The following SORCS2 variants were observed in gnomAD, a reference collection of about 807,000 sequenced individuals.
The protein encoded by SORCS2 is sortilin related VPS10 domain containing receptor 2, also known as VPS10 domain-containing receptor SorCS2.
In SORCS2, 100 loss-of-function variants were observed where a neutral mutation model predicts 141.6. The ratio of observed to expected loss-of-function variants is 0.71; its 90% CI spans 0.60 to 0.83. The LOEUF (loss-of-function observed/expected upper bound fraction) is 0.83. Among genes scored for constraint, SORCS2 ranks in the 40% least tolerant of loss-of-function variants. The pLI is 0.00. For synonymous variants in SORCS2, 789 were observed against 676.9 expected (o/e 1.17, Z -2.57); for missense variants, 1,646 against 1,560.2 (o/e 1.05, Z -0.93).
At chr4:7,481,879 T>A (rs1730656158) in intron 2 of SORCS2, among the ~76,000 whole-genome samples, 1 of 152,074 alleles carries the variant, frequency 6.6e-6, no homozygotes, top group Non-Finnish European at 1.5e-5. Flanking sequence ...TCCCCGCTCA[T>A]CCACCTGACG....
intron 1 of SORCS2, among the ~76,000 whole-genome samples, chr4:7,280,117 G>A (rs554822305): frequency 6.6e-6 from 1 of 152,102 alleles, no homozygotes; most frequent in Non-Finnish European, 1.5e-5. Context: ...TTTTTGGGTG[G>A]CATGACTCAT....
chr4:7,312,141 C>T (rs1415863644), intron 1 of SORCS2, among the ~76,000 whole-genome samples: 1 of 152,210 alleles, frequency 6.6e-6, no homozygotes, highest in Non-Finnish European at 1.5e-5. Flanking sequence ...TCCCAAAGTG[C>T]TGGGATTATA....
intron 2 of SORCS2, among the ~76,000 whole-genome samples, chr4:7,512,256 G>A (rs13128906): frequency 0.33 from 50,547 of 151,502 alleles, 9,115 homozygotes; most frequent in East Asian, 0.78. Flanking sequence ...GCCGCATCTC[G>A]AAGTCCAGCC....
At position 7,352,166 on chromosome 4, in the gene SORCS2, C is replaced by T. The variant is rs572040966; in HGVS notation, c.481-44122C>T. On this transcript the variant is annotated intron_variant, in intron 1 of 26. Transcript: ENST00000507866. ...TATCCATCTTTCAGAATTTTCATCC[C>T]TCTAAATTGTGAAGTGTTCTCTGCA... Among the ~76,000 whole-genome samples the T allele has an allele frequency of 5.3e-5, 8 of 152,332 alleles. No individual in the cohort carries two copies. The South Asian group carries it at 1.7e-3, about 32-fold the overall frequency.
chr4:7,330,462 C>A (rs185991705), intron 1 of SORCS2, among the ~76,000 whole-genome samples: 1 of 151,908 alleles, frequency 6.6e-6, no homozygotes, highest in Middle Eastern at 3.4e-3. Context: ...TCCACCCCCA[C>A]GCACACCCCT....
chr4:7,645,925 G>T (rs58565534), intron 4 of SORCS2, among the ~76,000 whole-genome samples: 1,689 of 152,248 alleles, frequency 0.011, 28 homozygotes, highest in African/African-American at 0.038. Context: ...TCCCAAGGCC[G>T]TGGTGAGTGG....
At chr4:7,235,784 G>A (rs1712224416) in intron 1 of SORCS2, among the ~76,000 whole-genome samples, 2 of 152,226 alleles carry the variant, frequency 1.3e-5, no homozygotes, top group South Asian at 4.1e-4. Flanking sequence ...TGGAAGAGCA[G>A]GCGAGTGCTG....
At chr4:7,204,550 A>T (rs997540109) in intron 1 of SORCS2, among the ~76,000 whole-genome samples, 11 of 152,138 alleles carry the variant, frequency 7.2e-5, no homozygotes, top group Non-Finnish European at 1.6e-4. Flanking sequence ...CTGAGGTTTT[A>T]TCTGCATCAG....
intron 1 of SORCS2, among the ~76,000 whole-genome samples, chr4:7,319,051 G>C (rs920136744): frequency 1.3e-5 from 2 of 152,218 alleles, no homozygotes; most frequent in Admixed American, 6.5e-5. Context: ...CCATGTTGTA[G>C]TGTGGGTCAG....
intron 1 of SORCS2, among the ~76,000 whole-genome samples, chr4:7,272,286 A>C (rs570346745): frequency 6.6e-6 from 1 of 152,344 alleles, no homozygotes; most frequent in East Asian, 1.9e-4. Flanking sequence ...CAAAAATTTC[A>C]AAGCGTATAT....
chr4:7,373,479 T>TATATATATAA (rs60434529), intron 1 of SORCS2, among the ~76,000 whole-genome samples: 13 of 15,522 alleles, frequency 8.4e-4, no homozygotes, highest in African/African-American at 1.9e-3. Flanking sequence ...TATATATATA[T>TATATATATAA]TTTTTTTTTT....
chr4:7,343,720 G>A (rs1229804534), intron 1 of SORCS2, among the ~76,000 whole-genome samples: 1 of 152,220 alleles, frequency 6.6e-6, no homozygotes. Flanking sequence ...TGTGGCAGAT[G>A]GGGCCGCCAC....
chr4:7,369,926 C>T (rs1337750011), intron 1 of SORCS2, among the ~76,000 whole-genome samples: 1 of 152,218 alleles, frequency 6.6e-6, no homozygotes. Flanking sequence ...CTGCCCCCTT[C>T]CCTTCTGGAA....
rs1031907093 is a variant in SORCS2, at chr4:7,317,384, C to T, written c.481-78904C>T. The stretch of plus-strand genomic sequence containing the variant: ...GCCCTCAAGGGTACCTCTGCGTCAA[C>T]GGAGGCATCCTCAGTGCAGACATGG... On this transcript the variant is annotated intron_variant, in intron 1 of 26. Coordinates refer to ENST00000507866, the MANE Select transcript of SORCS2 (RefSeq NM_020777.3). Among the ~76,000 whole-genome samples the T allele has an allele frequency of 8.5e-5, 13 of 152,240 alleles. No homozygotes were observed. In the South Asian group the frequency reaches 1.0e-3, roughly 12 times the overall value.
intron 4 of SORCS2, among the ~76,000 whole-genome samples, chr4:7,640,618 T>G (rs1455460227): frequency 6.6e-6 from 1 of 151,662 alleles, no homozygotes; most frequent in Non-Finnish European, 1.5e-5. Context: ...CCTGGGGTGA[T>G]CTTCACATCT....
chr4:7,665,324 CTGTTAAAG>C (rs1271502288), intron 7 of SORCS2, among the ~76,000 whole-genome samples: 1 of 152,200 alleles, frequency 6.6e-6, no homozygotes, highest in East Asian at 1.9e-4. Context: ...CCATCCCCCA[CTGTTAAAG>C]CAGGCCAGAC....
intron 1 of SORCS2, among the ~76,000 whole-genome samples, chr4:7,314,812 T>G (rs28418783): frequency 2.3e-3 from 146 of 64,796 alleles, no homozygotes; most frequent in South Asian, 0.01. Context: ...TTTTTTTTTT[T>G]TTTTTTTTTT....
intron 3 of SORCS2, among the ~76,000 whole-genome samples, chr4:7,576,344 A>G (rs1023839535): frequency 6.6e-6 from 1 of 152,228 alleles, no homozygotes; most frequent in African/African-American, 2.4e-5. Flanking sequence ...CCTTCCAGCA[A>G]TCACTTTTAG....
At chr4:7,294,546 G>T (rs970479466) in intron 1 of SORCS2, among the ~76,000 whole-genome samples, 2 of 151,302 alleles carry the variant, frequency 1.3e-5, no homozygotes, top group African/African-American at 4.9e-5. Flanking sequence ...CATGCCCCAG[G>T]GGTGCAGGGG....
Sources: gnomAD v4.1 joint callset for allele counts (sites outside exome capture counted in the v4.1 genomes callset) on GRCh38, gnomAD v4.1.1 for gene constraint, MANE v1.5 for transcripts, NCBI Gene and HGNC (gene_info 2026-07-23, HGNC 2026-07-21) for gene names.